Variants in ANO2 observed in about 807,000 individuals in gnomAD.
ANO2 encodes the protein anoctamin-2.
In ANO2, 101 loss-of-function variants were observed where a neutral mutation model predicts 124.2. That is an observed-to-expected ratio of 0.81 (90% CI 0.69 to 0.96). ANO2 has a LOEUF of 0.96. Among genes scored for constraint, ANO2 ranks in the 40% least tolerant of loss-of-function variants. The pLI is 0.00. For synonymous variants in ANO2, 486 were observed against 482.5 expected, an observed-to-expected ratio of 1.01 and a Z score of -0.09; for missense variants, 1,293 against 1,274.5, an observed-to-expected ratio of 1.01 and a Z score of -0.22.
intron 19 of ANO2, among the ~76,000 whole-genome samples, chr12:5,612,422 C>T (rs1342282728): frequency 1.3e-5 from 2 of 152,176 alleles, no homozygotes; most frequent in Non-Finnish European, 2.9e-5. Context: ...GGCTCTGCTA[C>T]TTACTAGTTA....
At chr12:5,946,023 G>A, upstream of ANO2, 1 of 1,115,168 alleles carries the variant, frequency 9.0e-7, no homozygotes, top group South Asian at 1.4e-5. The surrounding 1 kb of genome is among the most constrained non-coding windows in gnomAD (Gnocchi z 4.1). Flanking sequence ...ACCTCCAAAG[G>A]GCCCTTCTGC....
intron 20 of ANO2, among the ~76,000 whole-genome samples, chr12:5,589,751 C>T (rs374392013): frequency 1.3e-5 from 2 of 152,168 alleles, no homozygotes; most frequent in East Asian, 1.9e-4. Context: ...TTTGGATGCA[C>T]GCATGAGAAG....
chr12:5,923,122 ACACACC>A (rs1941840980), intron 1 of ANO2, among the ~76,000 whole-genome samples: 4 of 63,282 alleles, frequency 6.3e-5, no homozygotes, highest in East Asian at 5.9e-4. Context: ...ATGCACGCAC[ACACACC>A]CACATACACA....
chr12:5,923,202 A>ACG (rs1941887657), intron 1 of ANO2, among the ~76,000 whole-genome samples: 4 of 91,364 alleles, frequency 4.4e-5, no homozygotes, highest in South Asian at 7.9e-4. Context: ...ACACGCACGC[A>ACG]CACACACCCA....
At chr12:5,631,061 G>A (rs1332769142) in intron 16 of ANO2, among the ~76,000 whole-genome samples, 1 of 152,186 alleles carries the variant, frequency 6.6e-6, no homozygotes, top group African/African-American at 2.4e-5. Flanking sequence ...GATCGCACTA[G>A]ATATGTGGGC....
At position 5,673,284 on chromosome 12, in the gene ANO2, T is replaced by C. The variant is rs376419167; in HGVS notation, c.1546-25483A>G. 7.0e-4 allele frequency among the ~76,000 whole-genome samples: 107 copies of C among 152,338 alleles called. 1 individual carries two copies. The highest frequency in any genetic ancestry group is 1.9e-3 in the African/African-American group (78 of 41,584). On this transcript the variant is annotated intron_variant, in intron 14 of 24. Transcript: ENST00000682330. Reference sequence around the variant, plus strand: ...AGTAGCAGGCATGTGGCTAGCTCAGTGCAGAACCAGAAGTGGAATCTAGCC... The same window carrying C: ...AGTAGCAGGCATGTGGCTAGCTCAGCGCAGAACCAGAAGTGGAATCTAGCC...
rs1941903495 is a variant in ANO2 at position 5,923,244 on chromosome 12, G to GCACACACACACACCCA, written c.23-441_23-440insTGGGTGTGTGTGTGTG. On this transcript the variant is annotated intron_variant, in intron 1 of 24. Coordinates refer to ENST00000682330, the MANE Select transcript of ANO2 (RefSeq NM_001364791.2). Reference sequence around the variant, plus strand: ...CACACACATGCACACATACACACACGCATACACACACATACACACACACAC... The same window carrying GCACACACACACACCCA: ...CACACACATGCACACATACACACACGCACACACACACACCCACATACACACACATACACACACACAC... Among the ~76,000 whole-genome samples the GCACACACACACACCCA allele has an allele frequency of 4.5e-5, 5 of 110,470 alleles. 2 individuals are homozygous for GCACACACACACACCCA. Among genetic ancestry groups the GCACACACACACACCCA allele is most frequent in the African/African-American group, 1.9e-4 (5 of 26,338 alleles). 72.5% of individuals were successfully genotyped at this position (110,470 alleles called of 152,430 possible).
In ANO2 at chr12:5,587,780, C is replaced by T. The variant is rs182614469; in HGVS notation, c.2234-9262G>A. ...CAGGTTTCCCTTTGTCTGGAGCCAG[C>T]CCATCCCCACATCCACTGGCCTGAG... On this transcript the variant is annotated intron_variant, in intron 20 of 24. Coordinates refer to ENST00000682330, the MANE Select transcript of ANO2 (RefSeq NM_001364791.2). Among the ~76,000 whole-genome samples the T allele has an allele frequency of 2.9e-3, 438 of 152,288 alleles. 2 individuals carry two copies. Among genetic ancestry groups the T allele is most frequent in the Admixed American group, 4.6e-3 (70 of 15,310 alleles).
At chr12:5,640,242 C>T (rs574764865) in intron 15 of ANO2, among the ~76,000 whole-genome samples, 28 of 152,294 alleles carry the variant, frequency 1.8e-4, no homozygotes, top group African/African-American at 6.5e-4. Flanking sequence ...GTCCTGGCAT[C>T]TTCTGCCTAG....
chr12:5,885,229 T>C (rs1938803749), intron 3 of ANO2, among the ~76,000 whole-genome samples: 1 of 152,168 alleles, frequency 6.6e-6, no homozygotes, highest in Non-Finnish European at 1.5e-5. Flanking sequence ...TAGAAAGTTA[T>C]TAGGAAGGAG....
intron 3 of ANO2, among the ~76,000 whole-genome samples, chr12:5,914,800 T>A (rs1941283946): frequency 6.6e-6 from 1 of 152,218 alleles, no homozygotes; most frequent in South Asian, 2.1e-4. Flanking sequence ...GCTAAAAGTC[T>A]ACAAACATGC....
intron 10 of ANO2, among the ~76,000 whole-genome samples, chr12:5,756,465 T>C (rs1951583125): frequency 6.6e-6 from 1 of 152,204 alleles, no homozygotes. Flanking sequence ...ATTTGAGAAG[T>C]AGTCACCTCT....
chr12:5,674,328 A>G (rs1341636099), intron 14 of ANO2, among the ~76,000 whole-genome samples: 1 of 152,128 alleles, frequency 6.6e-6, no homozygotes, highest in Non-Finnish European at 1.5e-5. Flanking sequence ...AGGCCACCAG[A>G]GAATCTAAGT....
chr12:5,917,188 C>T (rs2362479), intron 3 of ANO2, among the ~76,000 whole-genome samples: 30,372 of 151,946 alleles, frequency 0.2, 3,303 homozygotes, highest in Middle Eastern at 0.3. Context: ...CCAGCCAAAG[C>T]GGGGAACATC....
Position 5,807,346 on chromosome 12 carries a change from G to C in ANO2, c.915C>G (p.Asn305Lys). 1 of 1,557,068 alleles carries C rather than the reference G, an allele frequency of 6.4e-7. No individual in the cohort carries two copies. Among genetic ancestry groups the C allele is most frequent in the Non-Finnish European group, 8.7e-7 (1 of 1,149,922 alleles). The change falls in exon 8 of 25, where the codon AAC becomes AAG. Residue 305 changes from asparagine to lysine, a missense_variant. Transcript: ENST00000682330. ...NTMGINSLIA[N>K]NIYEAAYPLH... is the part of the protein sequence containing the mutation. ...GAGGGTAGGCAGCCTCATAGATATTGTTTGCGATCAGAGAGTTAATACCTA... is the reference window on the plus strand; with the variant it reads ...GAGGGTAGGCAGCCTCATAGATATTCTTTGCGATCAGAGAGTTAATACCTA...
chr12:5,938,951 G>C (rs1942774857), intron 1 of ANO2, among the ~76,000 whole-genome samples: 1 of 151,998 alleles, frequency 6.6e-6, no homozygotes, highest in South Asian at 2.1e-4. Context: ...AGGCAAGGTG[G>C]CTCAGGCCTG....
intron 3 of ANO2, among the ~76,000 whole-genome samples, chr12:5,891,180 A>C (rs1362108341): frequency 6.6e-6 from 1 of 152,210 alleles, no homozygotes; most frequent in Non-Finnish European, 1.5e-5. Context: ...ATTAGCATGG[A>C]CAGAGAGAGC....
intron 20 of ANO2, among the ~76,000 whole-genome samples, chr12:5,593,739 T>C (rs1306383125): frequency 5.9e-5 from 9 of 152,180 alleles, no homozygotes; most frequent in Non-Finnish European, 2.9e-5. Flanking sequence ...ATGAGGTAGG[T>C]GCTATTATCA....
At chr12:5,697,000 C>G (rs185197263) in intron 14 of ANO2, among the ~76,000 whole-genome samples, 1 of 152,224 alleles carries the variant, frequency 6.6e-6, no homozygotes, top group East Asian at 1.9e-4. Context: ...AGTAAATATC[C>G]TATGTACCAG....
Sources: allele counts gnomAD v4.1 joint callset (sites outside exome capture counted in the v4.1 genomes callset), GRCh38; gene constraint gnomAD v4.1.1; non-coding constraint Gnocchi (gnomAD v3.1); transcripts MANE v1.5; gene names NCBI Gene and HGNC (gene_info 2026-07-23, HGNC 2026-07-21).